TMEM131: variants seen among roughly 807,000 people sequenced by gnomAD.
TMEM131 encodes the protein transmembrane protein 131, also known as 2610524E03Rik.
TMEM131 carries 66 observed loss-of-function variants against 211.6 expected under a neutral mutation model. The ratio of observed to expected loss-of-function variants is 0.31; its 90% CI spans 0.26 to 0.38. The LOEUF (loss-of-function observed/expected upper bound fraction) is 0.38, where lower values mean the gene tolerates loss of function less well. Ranked by LOEUF, TMEM131 falls within the 10% of genes least tolerant of loss-of-function variation. The pLI is 1.00. For synonymous variants in TMEM131, 844 were observed against 841.3 expected (o/e 1.00, Z -0.06); for missense variants, 2,036 against 2,299.3 (o/e 0.89, Z 2.34).
At chr2:97,872,504 T>C (rs1179251402) in intron 4 of TMEM131, among the ~76,000 whole-genome samples, 1 of 151,982 alleles carries the variant, frequency 6.6e-6, no homozygotes, top group East Asian at 1.9e-4. Context: ...ACAGCTCCAG[T>C]CTGCGGCTCC....
chr2:97,888,814 G>A (rs1242772399), intron 3 of TMEM131, among the ~76,000 whole-genome samples: 1 of 152,164 alleles, frequency 6.6e-6, no homozygotes, highest in Non-Finnish European at 1.5e-5. Flanking sequence ...CATGCCTAAA[G>A]TGTCAGAAAT....
intron 7 of TMEM131, among the ~76,000 whole-genome samples, chr2:97,838,900 T>C (rs1271580858): frequency 6.6e-6 from 1 of 152,260 alleles, no homozygotes; most frequent in Non-Finnish European, 1.5e-5. Context: ...ATAGTGCTTA[T>C]TGTGTTAATA....
chr2:97,822,987 A>G (rs976803304), intron 11 of TMEM131, among the ~76,000 whole-genome samples: 1 of 152,268 alleles, frequency 6.6e-6, no homozygotes, highest in African/African-American at 2.4e-5. Context: ...AGGGAAGTAT[A>G]AATTATAATA....
intron 1 of TMEM131, among the ~76,000 whole-genome samples, chr2:97,966,284 T>G (rs1024723636): frequency 6.6e-6 from 1 of 152,052 alleles, no homozygotes; most frequent in African/African-American, 2.4e-5. Context: ...AGACAAAATC[T>G]TTCCGGGTGG....
intron 3 of TMEM131, among the ~76,000 whole-genome samples, chr2:97,908,263 T>G (rs1225067843): frequency 1.3e-5 from 2 of 152,126 alleles, no homozygotes; most frequent in African/African-American, 4.8e-5. Flanking sequence ...GTCACAAGAC[T>G]GGGTTTCGCA....
chr2:97,807,337 G>T (rs763101306), intron 19 of TMEM131, among the ~76,000 whole-genome samples: 1 of 152,154 alleles, frequency 6.6e-6, no homozygotes, highest in Admixed American at 6.5e-5. Flanking sequence ...GGCCACAGGG[G>T]TGGATCCCTC....
At chr2:97,778,316 C>A (rs569540076) in intron 31 of TMEM131, among the ~76,000 whole-genome samples, 1 of 152,112 alleles carries the variant, frequency 6.6e-6, no homozygotes, top group Admixed American at 6.5e-5. Context: ...TTTGGGAGGC[C>A]GAGGAGGGCG....
At chr2:97,796,695 TA>T in intron 27 of TMEM131, 148 bp downstream of exon 27, 1 of 853,454 alleles carries the variant, frequency 1.2e-6, no homozygotes, top group Non-Finnish European at 1.8e-6. Context: ...CAAACAACTC[TA>T]AACACAACAT....
intron 2 of TMEM131, among the ~76,000 whole-genome samples, chr2:97,926,102 G>A (rs367988142): frequency 1.4e-5 from 2 of 148,096 alleles, no homozygotes; most frequent in Admixed American, 1.3e-4. Flanking sequence ...GACAGTGCGA[G>A]ACCCTGTCTC....
intron 31 of TMEM131, among the ~76,000 whole-genome samples, chr2:97,783,011 C>T (rs779673045): frequency 3.8e-4 from 56 of 145,664 alleles, no homozygotes; most frequent in Admixed American, 2.0e-3. Context: ...TAAACAGAAA[C>T]GAATCCACAT....
At chr2:97,869,012 TTCA>T (rs1674385552) in intron 4 of TMEM131, among the ~76,000 whole-genome samples, 1 of 152,126 alleles carries the variant, frequency 6.6e-6, no homozygotes, top group South Asian at 2.1e-4. Context: ...TTCCTCAAGC[TTCA>T]TATAGACATT....
At chr2:97,992,644 A>G (rs970188927) in intron 1 of TMEM131, among the ~76,000 whole-genome samples, 6 of 152,180 alleles carry the variant, frequency 3.9e-5, no homozygotes, top group African/African-American at 1.4e-4. Context: ...TGCTTTTTTA[A>G]AAAAGGTCTT....
At chr2:97,871,415 A>T (rs1440528570) in intron 4 of TMEM131, among the ~76,000 whole-genome samples, 1 of 152,242 alleles carries the variant, frequency 6.6e-6, no homozygotes, top group Non-Finnish European at 1.5e-5. Context: ...AAAACTAATG[A>T]AAAGCCATGA....
chr2:97,836,037 T>C (rs923474083), intron 8 of TMEM131, among the ~76,000 whole-genome samples: 2 of 152,206 alleles, frequency 1.3e-5, no homozygotes, highest in Admixed American at 1.3e-4. Flanking sequence ...GATATAATAG[T>C]CTGAATTTAA....
In TMEM131 at chr2:97,865,240, T is replaced by C. The variant is rs150517342; in HGVS notation, c.360-5813A>G. ...CCCAAGTAACATGATATGTTTGGAGTAAATTAATTGGATAACACACACAAT... is the reference window on the plus strand; with the variant it reads ...CCCAAGTAACATGATATGTTTGGAGCAAATTAATTGGATAACACACACAAT... On this transcript the variant is annotated intron_variant, in intron 4 of 40. Transcript: ENST00000186436. Among the ~76,000 whole-genome samples, 32 of 152,270 alleles carry C rather than the reference T, an allele frequency of 2.1e-4. No individual in the cohort carries two copies. The East Asian group carries it at 5.4e-3, about 26-fold the overall frequency.
At chr2:97,903,226 G>C (rs1675929976) in intron 3 of TMEM131, among the ~76,000 whole-genome samples, 1 of 152,164 alleles carries the variant, frequency 6.6e-6, no homozygotes. Flanking sequence ...AAAGTAAGAA[G>C]TGCTCAATGA....
At chr2:97,994,278 TTTTGC>T (rs1353186620) in intron 1 of TMEM131, among the ~76,000 whole-genome samples, 1 of 152,226 alleles carries the variant, frequency 6.6e-6, no homozygotes, top group African/African-American at 2.4e-5. Flanking sequence ...CTGGAAATAA[TTTTGC>T]TTCCATCAAT....
intron 15 of TMEM131, among the ~76,000 whole-genome samples, chr2:97,813,298 T>C (rs2104970919): frequency 6.6e-6 from 1 of 152,370 alleles, no homozygotes; most frequent in South Asian, 2.1e-4. Context: ...GAGACATTAC[T>C]GAAGGTCCCT....
At position 97,816,890 on chromosome 2, in the gene TMEM131, A is replaced by G. The variant is rs182319574; in HGVS notation, c.1184-1583T>C. Among the ~76,000 whole-genome samples the G allele has an allele frequency of 1.8e-4, 28 of 152,328 alleles. No individual in the cohort carries two copies. The East Asian group carries it at 4.8e-3, about 26-fold the overall frequency. ...ATATAAGGTGCATTCTAACAATATTAAAAGTTAAATAACACACACTTCCTG... is the reference window on the plus strand; with the variant it reads ...ATATAAGGTGCATTCTAACAATATTGAAAGTTAAATAACACACACTTCCTG... On this transcript the variant is annotated intron_variant, in intron 12 of 40. Coordinates refer to ENST00000186436, the MANE Select transcript of TMEM131 (RefSeq NM_015348.2).
Sources: gnomAD v4.1 joint callset for allele counts (sites outside exome capture counted in the v4.1 genomes callset) on GRCh38, gnomAD v4.1.1 for gene constraint, MANE v1.5 for transcripts, NCBI Gene and HGNC (gene_info 2026-07-23, HGNC 2026-07-21) for gene names.